Variants in MYH8 observed in about 807,000 individuals in gnomAD.
MYH8 encodes the protein myosin-8.
In MYH8, 168 loss-of-function variants were observed where a neutral mutation model predicts 233.2. The observed-to-expected ratio is 0.72, with a 90% CI of 0.64 to 0.82. The LOEUF is 0.82. MYH8 is among the 40% of genes least tolerant of loss of function. The pLI is 0.00. For missense variants in MYH8, 1,995 were observed against 2,327.8 expected (o/e 0.86, Z 2.94); for synonymous variants, 785 against 850.6 (o/e 0.92, Z 1.34).
intron 39 of MYH8, 120 bp from the exon 40 acceptor site, chr17:10,390,723 A>G (rs2072014082): frequency 1.7e-6 from 2 of 1,145,854 alleles, no homozygotes; most frequent in Non-Finnish European, 2.6e-6. Flanking sequence ...AGCATATCCG[A>G]CTTTAAATCT....
At chr17:10,411,007 A>G (rs2072239385) in intron 14 of MYH8, 60 bp from the exon 15 acceptor site, 3 of 1,612,548 alleles carry the variant, frequency 1.9e-6, no homozygotes, top group South Asian at 1.1e-5. Context: ...AAAATTCATT[A>G]CTGAAAAAAT....
At chr17:10,402,978 G>A (rs1011346807) in intron 22 of MYH8, among the ~76,000 whole-genome samples, 1 of 152,120 alleles carries the variant, frequency 6.6e-6, no homozygotes, top group African/African-American at 2.4e-5. Flanking sequence ...AAAGATTGAT[G>A]AACTGTTCTT....
intron 15 of MYH8, among the ~76,000 whole-genome samples, chr17:10,409,997 T>C (rs1022877299): frequency 6.6e-6 from 1 of 152,224 alleles, no homozygotes; most frequent in African/African-American, 2.4e-5. Flanking sequence ...ATTTTGGGTA[T>C]TTAATTTCTT....
chr17:10,392,075 G>A (rs1286560258), intron 38 of MYH8, 98 bp from the exon 39 acceptor site: 3 of 961,486 alleles, frequency 3.1e-6, no homozygotes, highest in East Asian at 4.8e-5. Context: ...AGGTGGGCCT[G>A]GGGTAAACTT....
chr17:10,414,614 A>G (rs2072273567), intron 9 of MYH8, 130 bp from the exon 10 acceptor site: 4 of 703,234 alleles, frequency 5.7e-6, no homozygotes, highest in Admixed American at 4.2e-5. Context: ...TTGATGACCA[A>G]TTGCAGATAG....
In MYH8 at chr17:10,409,578, ATGCCC is replaced by A; in HGVS notation, c.1593_1597del (p.Gly532LeufsTer12). On this transcript the variant is annotated frameshift_variant, in exon 16 of 40. Transcript: ENST00000403437. LOFTEE classifies it high-confidence loss of function. The stretch of plus-strand genomic sequence containing the variant: ...GCACTCCTCTTCCAGGATGGAGAAG[ATGCCC>A]AGTGGCTGAATTCAGAAAAGTAACA... 1 of 1,614,214 alleles carries A rather than the reference ATGCCC, an allele frequency of 6.2e-7. No homozygotes were observed.
chr17:10,395,046 A>G, intron 34 of MYH8, 87 bp downstream of exon 34: 1 of 1,461,540 alleles, frequency 6.8e-7, no homozygotes, highest in Non-Finnish European at 9.6e-7. Context: ...GTTAAGAGAA[A>G]AAAAGGATCG....
chr17:10,400,443 T>G lies in MYH8; in HGVS notation c.3682A>C (p.Lys1228Gln). Reference sequence around the variant, plus strand: ...CTGCTGAGGTCATCAGTCTCCATCTTCAGCTCACTCTTCTCCTTCTCCAGC... The same window carrying G: ...CTGCTGAGGTCATCAGTCTCCATCTGCAGCTCACTCTTCTCCTTCTCCAGC... ...QKLEKEKSEL[K>Q]METDDLSSNA... Residue 1228 changes from lysine to glutamine, a missense_variant, in exon 27 of 40, where the codon AAG (lysine) becomes CAG (glutamine). Physicochemically the swap from Lys to Gln is moderately conservative, Grantham distance 53 (BLOSUM62 1). Around this residue, in one of 3 missense-constraint regions of MYH8, gnomAD observed 1,498 missense variants for 1,680.9 expected, o/e 0.89. Coordinates refer to ENST00000403437, the MANE Select transcript of MYH8 (RefSeq NM_002472.3). This position sits in a 1 kb window ranked among gnomAD's most constrained non-coding sequence, Gnocchi z 4.0. The G allele has an allele frequency of 6.2e-7, 1 of 1,614,010 alleles. No homozygotes were observed. Among genetic ancestry groups the G allele is most frequent in the Non-Finnish European group, 8.5e-7 (1 of 1,179,954 alleles).
intron 12 of MYH8, among the ~76,000 whole-genome samples, chr17:10,413,038 A>T (rs1185911892): frequency 6.6e-6 from 1 of 152,230 alleles, no homozygotes; most frequent in Non-Finnish European, 1.5e-5. Flanking sequence ...TTTAAGACAC[A>T]TTAGGTGTAG....
chr17:10,395,045 A>C, intron 34 of MYH8, 88 bp downstream of exon 34: 1 of 1,452,662 alleles, frequency 6.9e-7, no homozygotes, highest in Non-Finnish European at 9.7e-7. Flanking sequence ...TGTTAAGAGA[A>C]AAAAAGGATC....
chr17:10,411,739 C>A (rs1299293548), intron 14 of MYH8, among the ~76,000 whole-genome samples: 1 of 152,146 alleles, frequency 6.6e-6, no homozygotes, highest in Admixed American at 6.5e-5. Context: ...AGGGTAATTT[C>A]TCTTCTATTT....
At position 10,414,304 on chromosome 17, in the gene MYH8, C is replaced by T; in HGVS notation, c.905-9G>A. 1 of 1,612,654 alleles carries T rather than the reference C, an allele frequency of 6.2e-7. No homozygotes were observed. Among genetic ancestry groups the T allele is most frequent in the East Asian group, 2.2e-5 (1 of 44,876 alleles). On this transcript the variant is annotated splice_polypyrimidine_tract_variant and intron_variant, in intron 10 of 39. Coordinates refer to ENST00000403437, the MANE Select transcript of MYH8 (RefSeq NM_002472.3). ...GGTGATCAGGAGCATTTCTGGGTCA[C>T]AGAATTCAGGGCATACATTTTACAT... is the stretch of plus-strand genomic sequence containing the variant.
Position 10,409,487 on chromosome 17 carries a change from A to T in MYH8, c.1689T>A (p.Ser563=). 6.2e-7 allele frequency: 1 copy of T among 1,614,242 alleles called. No homozygotes were observed. The highest frequency in any genetic ancestry group is 8.5e-7 in the Non-Finnish European group (1 of 1,180,038). ...NKLYDQHLGK[S]ANFQKPKVVK... is the part of the protein sequence containing the mutation. ...CCACCTTGGGCTTCTGGAAGTTGGC[A>T]GACTTGCCCAGGTGCTGGTCATACA... Residue 563 remains serine, a synonymous_variant, in exon 16 of 40, where the codon TCT becomes TCA. Transcript: ENST00000403437.
At position 10,396,741 on chromosome 17, in the gene MYH8, T is replaced by C. The variant is rs765581701; in HGVS notation, c.4363-23A>G. 6.2e-7 allele frequency: 1 copy of C among 1,614,146 alleles called. No individual in the cohort carries two copies. The highest frequency in any genetic ancestry group is 8.5e-7 in the Non-Finnish European group (1 of 1,180,026). ...GACCTGAAAAGCAATAAATCATGAG[T>C]TGATCCAAGGAGAAAGGAAGACCGA... is the stretch of plus-strand genomic sequence containing the variant. On this transcript the variant is annotated intron_variant, in intron 31 of 39. Coordinates refer to ENST00000403437, the MANE Select transcript of MYH8 (RefSeq NM_002472.3). The surrounding 1 kb of genome is among the most constrained non-coding windows in gnomAD (Gnocchi z 4.2).
intron 38 of MYH8, 107 bp downstream of exon 38, chr17:10,392,435 A>G (rs1045111637): frequency 1.9e-6 from 2 of 1,027,264 alleles, no homozygotes; most frequent in African/African-American, 3.1e-5. Context: ...ACATGTACCA[A>G]GTTAATGCGT....
chr17:10,402,250 T>A (rs1256509858), intron 22 of MYH8, among the ~76,000 whole-genome samples: 2 of 152,144 alleles, frequency 1.3e-5, no homozygotes, highest in African/African-American at 4.8e-5. Flanking sequence ...TTAGTTTTGG[T>A]TTTGATCATT....
chr17:10,406,885 G>T lies in MYH8; in HGVS notation c.2053+7C>A, dbSNP rs1449663527. 6.2e-7 allele frequency: 1 copy of T among 1,613,442 alleles called. No homozygotes were observed. Among genetic ancestry groups the T allele is most frequent in the Admixed American group, 1.7e-5 (1 of 60,020 alleles). On this transcript the variant is annotated splice_region_variant and intron_variant, in intron 18 of 39. Transcript: ENST00000403437. The stretch of plus-strand genomic sequence containing the variant: ...CCCGTTTGATTATTTCACTCTCTGT[G>T]TCTTACCAGGAGTTTTGGTTTCATT...
Position 10,401,574 on chromosome 17 carries a change from A to C in MYH8, c.2900T>G (p.Val967Gly), listed in dbSNP as rs758389483. 1 of 1,613,988 alleles carries C rather than the reference A, an allele frequency of 6.2e-7. No homozygotes were observed. Among genetic ancestry groups the C allele is most frequent in the Non-Finnish European group, 8.5e-7 (1 of 1,180,020 alleles). ...IDDLELTLAK[V>G]EKEKHATENK... is the part of the protein sequence containing the mutation. Reference sequence around the variant, plus strand: ...CTCCGTGGCATGTTTCTCCTTCTCAACCTTGGCCAGTGTCAGCTCAAGGTC... The same window carrying C: ...CTCCGTGGCATGTTTCTCCTTCTCACCCTTGGCCAGTGTCAGCTCAAGGTC... Residue 967 changes from valine (V) to glycine (G), a missense_variant, in exon 23 of 40, where the codon GTT becomes GGT. Transcript: ENST00000403437.
chr17:10,404,545 T>C lies in MYH8; in HGVS notation c.2473A>G (p.Met825Val), dbSNP rs751927704. The C allele has an allele frequency of 3.1e-6, 5 of 1,614,054 alleles. No homozygotes were observed. The highest frequency in any genetic ancestry group is 4.2e-6 in the Non-Finnish European group (5 of 1,179,928). ...ATCCAGGGCCAGTGCTTGACGTTCA[T>C]GAAGGCACGGACATTATACTGGATG... is the stretch of plus-strand genomic sequence containing the variant. ...FCIQYNVRAFMNVKHWPWMKL... is the reference protein window; with the variant it reads ...FCIQYNVRAFVNVKHWPWMKL... Residue 825 changes from methionine to valine, a missense_variant, in exon 22 of 40, where the codon ATG becomes GTG. Transcript: ENST00000403437.
Sources: allele counts gnomAD v4.1 joint callset (sites outside exome capture counted in the v4.1 genomes callset), GRCh38; gene constraint gnomAD v4.1.1; regional missense constraint gnomAD v4.1.1; non-coding constraint Gnocchi (gnomAD v3.1); transcripts MANE v1.5; gene names NCBI Gene and HGNC (gene_info 2026-07-23, HGNC 2026-07-21).